The following DLC1 variants were observed in gnomAD, a reference collection of about 807,000 sequenced individuals.
DLC1 encodes rho GTPase-activating protein 7.
A neutral mutation model predicts 140.3 loss-of-function variants in DLC1; 54 were observed. The observed-to-expected ratio is 0.38, with a 90% CI of 0.31 to 0.48. The LOEUF (loss-of-function observed/expected upper bound fraction) is 0.48, where lower values mean the gene tolerates loss of function less well. Among genes scored for constraint, DLC1 ranks in the 20% least tolerant of loss-of-function variants. The pLI is 0.96. For missense variants in DLC1, 2,536 were observed against 1,907.0 expected, an observed-to-expected ratio of 1.33 and a Z score of -6.14; for synonymous variants, 986 against 728.1, an observed-to-expected ratio of 1.35 and a Z score of -5.70.
At chr8:13,327,255 G>C (rs111921597) in intron 4 of DLC1, among the ~76,000 whole-genome samples, 4 of 151,112 alleles carry the variant, frequency 2.6e-5, no homozygotes, top group Admixed American at 6.6e-5. Context: ...TTACAGGCGT[G>C]AGCCACTGCG....
At chr8:13,429,306 T>A (rs146932332) in intron 2 of DLC1, among the ~76,000 whole-genome samples, 204 of 152,294 alleles carry the variant, frequency 1.3e-3, no homozygotes, top group African/African-American at 4.8e-3. Flanking sequence ...TGAAAACCAG[T>A]GATGTAGAGC....
intron 4 of DLC1, among the ~76,000 whole-genome samples, chr8:13,308,115 C>T (rs1001804014): frequency 6.6e-6 from 1 of 152,102 alleles, no homozygotes; most frequent in African/African-American, 2.4e-5. Flanking sequence ...TATTTGATTT[C>T]AAAAGTATAT....
intron 5 of DLC1, among the ~76,000 whole-genome samples, chr8:13,293,096 G>T (rs1472680200): frequency 6.6e-6 from 1 of 152,158 alleles, no homozygotes; most frequent in Non-Finnish European, 1.5e-5. Flanking sequence ...TGGTCATGGT[G>T]GTGCATGCGT....
chr8:13,093,041 T>G (rs1433831983), intron 12 of DLC1, among the ~76,000 whole-genome samples: 1 of 152,084 alleles, frequency 6.6e-6, no homozygotes, highest in Non-Finnish European at 1.5e-5. Context: ...GTGAAAAAAT[T>G]TTTAAACACC....
intron 5 of DLC1, among the ~76,000 whole-genome samples, chr8:13,267,855 T>A (rs543395367): frequency 6.6e-6 from 1 of 152,076 alleles, no homozygotes; most frequent in African/African-American, 2.4e-5. Flanking sequence ...GTATCAGGGC[T>A]TTCAAAAATC....
chr8:13,292,920 C>G (rs192914385), intron 5 of DLC1, among the ~76,000 whole-genome samples: 2 of 152,056 alleles, frequency 1.3e-5, no homozygotes, highest in Non-Finnish European at 2.9e-5. Flanking sequence ...AATTATAATG[C>G]AAATTAAAAA....
chr8:13,566,954 G>C, intron 1 of DLC1: 1 of 1,507,630 alleles, frequency 6.6e-7, no homozygotes, highest in Non-Finnish European at 8.9e-7. Context: ...GTCTTAACCT[G>C]GGCAAAGGAG....
intron 1 of DLC1, among the ~76,000 whole-genome samples, chr8:13,585,515 C>T (rs2117456574): frequency 6.6e-6 from 1 of 152,262 alleles, no homozygotes; most frequent in Middle Eastern, 3.4e-3. Flanking sequence ...TGTAAAGGTG[C>T]ATTAGTTTGC....
intron 5 of DLC1, among the ~76,000 whole-genome samples, chr8:13,235,443 A>G (rs1437985507): frequency 6.6e-6 from 1 of 151,960 alleles, no homozygotes; most frequent in Admixed American, 6.6e-5. Flanking sequence ...TATATTCAAT[A>G]TCTCTCTTCG....
At chr8:13,458,710 T>A (rs1459389839) in intron 2 of DLC1, among the ~76,000 whole-genome samples, 4 of 152,082 alleles carry the variant, frequency 2.6e-5, no homozygotes, top group African/African-American at 9.7e-5. Flanking sequence ...AAGGGCTAAA[T>A]CCATAATTAT....
chr8:13,409,951 T>G (rs371162849), intron 2 of DLC1, among the ~76,000 whole-genome samples: 61 of 152,222 alleles, frequency 4.0e-4, no homozygotes, highest in Admixed American at 1.1e-3. Context: ...ACAGCTAGGT[T>G]TGAGGAACAT....
At position 13,084,073 on chromosome 8, in the gene DLC1, T is replaced by A. The variant is rs1817359996; in HGVS notation, c.*1738A>T. On this transcript the variant is annotated 3_prime_UTR_variant, in exon 18 of 18. Transcript: ENST00000276297. ...CAATAAGAAGAAAAAAGCCTTGAGG[T>A]ACAAAACCCAAAAGAATATCTGAGG... is the stretch of plus-strand genomic sequence containing the variant. The A allele has an allele frequency of 6.6e-6, 1 of 152,538 alleles. No individual in the cohort carries two copies. The highest frequency in any genetic ancestry group is 6.5e-5 in the Admixed American group (1 of 15,274). The allele number at this position is 152,538 out of a possible 1,614,324, so 9.4% of individuals were successfully genotyped here. A position where few individuals can be genotyped will look rare whatever the true frequency, so the allele number is the denominator to read the frequency against.
At position 13,154,681 on chromosome 8, in the gene DLC1, G is replaced by C. The variant is rs541551433; in HGVS notation, c.1349-39024C>G. On this transcript the variant is annotated intron_variant, in intron 5 of 17. Transcript: ENST00000276297. The stretch of plus-strand genomic sequence containing the variant: ...AGCGGGCTGAAGGGCTGGTCAAGCG[G>C]GGCCAGAGTGGACGCTGAGGCCTGA... Among the ~76,000 whole-genome samples, 555 of 152,324 alleles carry C rather than the reference G, an allele frequency of 3.6e-3. 4 individuals carry two copies. Among genetic ancestry groups the C allele is most frequent in the Non-Finnish European group, 5.1e-3 (347 of 68,028 alleles).
chr8:13,567,661 T>A, intron 1 of DLC1: 1 of 1,551,706 alleles, frequency 6.4e-7, no homozygotes, highest in Non-Finnish European at 8.7e-7. Context: ...TTTACTGGAG[T>A]CATTTCTACT....
At chr8:13,189,712 A>G (rs1178874074) in intron 5 of DLC1, among the ~76,000 whole-genome samples, 1 of 152,040 alleles carries the variant, frequency 6.6e-6, no homozygotes, top group Middle Eastern at 3.2e-3. Flanking sequence ...GAGAAACCTC[A>G]TCTCTACTAA....
intron 5 of DLC1, among the ~76,000 whole-genome samples, chr8:13,122,467 A>C (rs1376366348): frequency 6.6e-6 from 1 of 152,052 alleles, no homozygotes; most frequent in African/African-American, 2.4e-5. Context: ...AAGGAATTAC[A>C]GAGAGGTTGG....
rs3066494 is a variant in DLC1 at position 13,586,589 on chromosome 8, G to GCACACACACACACA, written c.-126+17934_-126+17947dup. On this transcript the variant is annotated intron_variant, in intron 1 of 1. Coordinates refer to the DLC1 transcript ENST00000631382. ...TTTAGAGAATAATGCAGATGCACATGCACACACACACACACACACACACAC... is the reference window on the plus strand; with the variant it reads ...TTTAGAGAATAATGCAGATGCACATGCACACACACACACACACACACACACACACACACACACAC... 4.6e-4 allele frequency among the ~76,000 whole-genome samples: 66 copies of GCACACACACACACA among 142,948 alleles called. 1 individual carries two copies. The highest frequency in any genetic ancestry group is 8.5e-4 in the Non-Finnish European group (56 of 65,888). 93.8% of individuals were successfully genotyped at this position (142,948 alleles called of 152,430 possible).
chr8:13,570,903 G>A (rs1168738939), intron 1 of DLC1, among the ~76,000 whole-genome samples: 3 of 152,076 alleles, frequency 2.0e-5, no homozygotes, highest in Non-Finnish European at 4.4e-5. Context: ...CCAGACCCCT[G>A]TCCTGCCAGG....
At chr8:13,494,918 T>G (rs1310266959) in intron 2 of DLC1, among the ~76,000 whole-genome samples, 1 of 152,072 alleles carries the variant, frequency 6.6e-6, no homozygotes, top group Non-Finnish European at 1.5e-5. Flanking sequence ...ACCCCTGCAC[T>G]CCAGCCTGGG....
Sources: allele counts gnomAD v4.1 joint callset (sites outside exome capture counted in the v4.1 genomes callset), GRCh38; gene constraint gnomAD v4.1.1; transcripts MANE v1.5; gene names NCBI Gene and HGNC (gene_info 2026-07-23, HGNC 2026-07-21).